The following TECRL variants were observed in gnomAD, a reference collection of about 807,000 sequenced individuals.
TECRL encodes the protein trans-2,3-enoyl-CoA reductase like.
Under a neutral mutation model 52.8 loss-of-function variants are expected in TECRL, and 63 were observed. That is an observed-to-expected ratio of 1.19 (90% CI 0.97 to 1.47). TECRL has a LOEUF of 1.47. TECRL is among the 40% of genes most tolerant of loss of function. TECRL has a pLI of 0.00. For synonymous variants in TECRL, 164 were observed against 141.9 expected (o/e 1.16, Z -1.10); for missense variants, 482 against 429.6 (o/e 1.12, Z -1.08).
intron 1 of TECRL, among the ~76,000 whole-genome samples, chr4:64,396,272 T>C (rs1428304473): frequency 1.3e-5 from 2 of 152,186 alleles, no homozygotes; most frequent in Non-Finnish European, 2.9e-5. Context: ...ATTGAATGAA[T>C]GTACATTTCC....
chr4:64,308,695 G>A (rs6838703), intron 6 of TECRL, among the ~76,000 whole-genome samples: 32,067 of 151,998 alleles, frequency 0.21, 3,542 homozygotes, highest in South Asian at 0.28. Flanking sequence ...GTTGTGAGAC[G>A]AGAACTCAGA....
intron 2 of TECRL, among the ~76,000 whole-genome samples, chr4:64,374,186 C>T (rs573278837): frequency 1.9e-4 from 28 of 149,664 alleles, no homozygotes; most frequent in African/African-American, 6.6e-4. Flanking sequence ...AAAAATATCA[C>T]CTTCCTCAAG....
intron 2 of TECRL, among the ~76,000 whole-genome samples, chr4:64,336,020 G>A (rs908469755): frequency 6.6e-6 from 1 of 152,086 alleles, no homozygotes; most frequent in Non-Finnish European, 1.5e-5. Flanking sequence ...GATGACGCTG[G>A]CCTCATAAAA....
intron 3 of TECRL, among the ~76,000 whole-genome samples, chr4:64,324,655 G>C (rs1718127350): frequency 6.6e-6 from 1 of 151,998 alleles, no homozygotes; most frequent in Non-Finnish European, 1.5e-5. Context: ...TTAACAGCCA[G>C]ATAATTTAGG....
intron 3 of TECRL, among the ~76,000 whole-genome samples, chr4:64,326,978 T>C (rs528552085): frequency 4.6e-5 from 7 of 152,086 alleles, no homozygotes; most frequent in South Asian, 2.1e-4. Context: ...ATGACTAAGA[T>C]TGATGGAGCA....
chr4:64,291,400 G>A (rs991441914), intron 8 of TECRL, among the ~76,000 whole-genome samples: 7 of 151,796 alleles, frequency 4.6e-5, no homozygotes, highest in Non-Finnish European at 7.4e-5. Flanking sequence ...TTTAGTCTTC[G>A]TATCTTTTGT....
At chr4:64,364,192 T>A (rs6551822) in intron 2 of TECRL, among the ~76,000 whole-genome samples, 135,540 of 151,058 alleles carry the variant, frequency 0.9, 61,448 homozygotes, top group East Asian at 1. Context: ...GGCAGAAATT[T>A]AAAAAAAAAT....
chr4:64,343,137 G>A (rs953005483), intron 2 of TECRL, among the ~76,000 whole-genome samples: 5 of 152,254 alleles, frequency 3.3e-5, no homozygotes, highest in African/African-American at 1.2e-4. Flanking sequence ...TGAGTTTCCA[G>A]TGCTTAAATT....
chr4:64,297,502 A>C (rs1380298835), intron 8 of TECRL, among the ~76,000 whole-genome samples: 1 of 150,984 alleles, frequency 6.6e-6, no homozygotes, highest in Admixed American at 6.6e-5. Flanking sequence ...ATTATATAAG[A>C]TCGATCCATT....
chr4:64,408,637 T>C (rs1724889936), intron 1 of TECRL, among the ~76,000 whole-genome samples: 1 of 152,006 alleles, frequency 6.6e-6, no homozygotes, highest in Non-Finnish European at 1.5e-5. Flanking sequence ...TAAAATCAAT[T>C]CAAAATAATG....
chr4:64,405,844 T>C (rs73232072), intron 1 of TECRL, among the ~76,000 whole-genome samples: 17 of 152,084 alleles, frequency 1.1e-4, no homozygotes, highest in Non-Finnish European at 2.1e-4. Flanking sequence ...GGAACTCAAA[T>C]AACAAATGCT....
chr4:64,409,266 T>C lies in TECRL; in HGVS notation c.86A>G (p.Asp29Gly). Residue 29 changes from aspartate (D) to glycine (G), a missense_variant, in exon 1 of 12, where the codon GAT (aspartate) becomes GGT (glycine). Coordinates refer to ENST00000381210, the MANE Select transcript of TECRL (RefSeq NM_001010874.5). ...TGACAAAAAGTGAAAATTTCTCATATCATCCTTCAGTATGAACCGTGTAGC... is the reference window on the plus strand; with the variant it reads ...TGACAAAAAGTGAAAATTTCTCATACCATCCTTCAGTATGAACCGTGTAGC... ...QRATRFILKD[D>G]MRNFHFLSKL... The C allele has an allele frequency of 1.9e-6, 3 of 1,613,722 alleles. No individual in the cohort carries two copies. In the South Asian group the frequency reaches 3.3e-5, roughly 18 times the overall value.
In TECRL at chr4:64,277,757, A is replaced by G. The variant is rs1722623670; in HGVS notation, c.*2315T>C. On this transcript the variant is annotated 3_prime_UTR_variant, in exon 12 of 12. Transcript: ENST00000381210. Reference sequence around the variant, plus strand: ...AATCTGAGAATTGAAAATACTCCATAGACTAACAAATCTAAAAATCACAAT... The same window carrying G: ...AATCTGAGAATTGAAAATACTCCATGGACTAACAAATCTAAAAATCACAAT... 1 of 151,088 alleles carries G rather than the reference A, an allele frequency of 6.6e-6. No homozygotes were observed. The highest frequency in any genetic ancestry group is 2.1e-4 in the South Asian group (1 of 4,800). 9.4% of individuals were successfully genotyped at this position (151,088 alleles called of 1,614,324 possible).
chr4:64,365,852 C>A (rs149997978), intron 2 of TECRL, among the ~76,000 whole-genome samples: 1 of 152,114 alleles, frequency 6.6e-6, no homozygotes, highest in African/African-American at 2.4e-5. Context: ...CTACCAATGA[C>A]ATGTTTTCAC....
rs539618361 is a variant in TECRL, at chr4:64,337,026, G to T, written c.287-8470C>A. On this transcript the variant is annotated intron_variant, in intron 2 of 11. Coordinates refer to ENST00000381210, the MANE Select transcript of TECRL (RefSeq NM_001010874.5). ...AGTTCTGTAGCTGTCTATTAGGTCC[G>T]CTTGGTGCAGAGCTGAATTCAATTC... Among the ~76,000 whole-genome samples, 14 of 152,168 alleles carry T rather than the reference G, an allele frequency of 9.2e-5. No individual in the cohort carries two copies. In the East Asian group the frequency reaches 1.4e-3, roughly 15 times the overall value.
intron 2 of TECRL, among the ~76,000 whole-genome samples, chr4:64,349,924 C>T (rs1173127564): frequency 6.6e-6 from 1 of 152,116 alleles, no homozygotes; most frequent in African/African-American, 2.4e-5. Context: ...TAATTCAATT[C>T]TCAATTATAT....
chr4:64,383,599 T>C (rs895324823), intron 1 of TECRL, among the ~76,000 whole-genome samples: 1 of 152,020 alleles, frequency 6.6e-6, no homozygotes, highest in African/African-American at 2.4e-5. Flanking sequence ...AAATCTTTTT[T>C]ATTATATCTA....
At chr4:64,342,561 C>A (rs1280516470) in intron 2 of TECRL, among the ~76,000 whole-genome samples, 1 of 151,936 alleles carries the variant, frequency 6.6e-6, no homozygotes, top group Non-Finnish European at 1.5e-5. Context: ...GCTTAACCAC[C>A]AAAGTCTGTC....
intron 1 of TECRL, among the ~76,000 whole-genome samples, chr4:64,395,120 A>G (rs1723842179): frequency 6.6e-6 from 1 of 151,760 alleles, no homozygotes; most frequent in Non-Finnish European, 1.5e-5. Context: ...AGGCTGGTCT[A>G]TGTTGGCCAG....
Sources: gnomAD v4.1 joint callset for allele counts (sites outside exome capture counted in the v4.1 genomes callset) on GRCh38, gnomAD v4.1.1 for gene constraint, MANE v1.5 for transcripts, NCBI Gene and HGNC (gene_info 2026-07-23, HGNC 2026-07-21) for gene names.